ZNF629: variants seen among roughly 807,000 people sequenced by gnomAD.
The protein encoded by ZNF629 is zinc finger protein 629, also known as DNA-binding protein.
ZNF629 carries 9 observed loss-of-function variants against 59.7 expected under a neutral mutation model. The observed-to-expected ratio is 0.15, with a 90% CI of 0.09 to 0.26. ZNF629 has a LOEUF of 0.26. ZNF629 is among the 10% of genes least tolerant of loss of function. ZNF629 has a pLI of 1.00. For missense variants in ZNF629, 853 were observed against 1,165.4 expected (o/e 0.73, Z 3.90); for synonymous variants, 509 against 498.9 (o/e 1.02, Z -0.27).
chr16:30,781,867 G>C lies in ZNF629; in HGVS notation c.2461C>G (p.Pro821Ala), dbSNP rs1265400636. 3.8e-6 allele frequency: 6 copies of C among 1,577,290 alleles called. No individual in the cohort carries two copies. The highest frequency in any genetic ancestry group is 5.2e-6 in the Non-Finnish European group (6 of 1,159,136). ...TCCCCATGGCTGCTGCTCTCTGTGG[G>C]GGTAGGGGTCTCGCCCTCACCTTCC... is the stretch of plus-strand genomic sequence containing the variant. ...DQEGEGETPT[P>A]TESSSHGEGQ... The change falls in exon 3 of 3, where the codon CCC (proline) becomes GCC (alanine). Residue 821 changes from proline (P) to alanine (A), a missense_variant. Physicochemically the swap from Pro to Ala is conservative, Grantham distance 27. Around this residue, in one of 3 missense-constraint regions of ZNF629, gnomAD observed 420 missense variants for 435.6 expected, o/e 0.96. Coordinates refer to ENST00000262525, the MANE Select transcript of ZNF629 (RefSeq NM_001080417.3).
Position 30,782,705 on chromosome 16 carries a change from G to A in ZNF629, c.1623C>T (p.Thr541=), listed in dbSNP as rs1482456883. 4.3e-6 allele frequency: 7 copies of A among 1,611,990 alleles called. 1 individual carries two copies. The South Asian group carries it at 7.7e-5, about 18-fold the overall frequency. ...TGTCGCCCTGGGCCCTACGCGCTGG[G>A]GTCTTCCCCCTCTCATGGATCACCC... ...QHRVIHERGK[T]PARRAQGDSL... The change falls in exon 3 of 3, where the codon ACC becomes ACT. Residue 541 remains threonine, a synonymous_variant. Transcript: ENST00000262525.
chr16:30,782,777 G>T lies in ZNF629; in HGVS notation c.1551C>A (p.Ser517=). ...CTTCCAGGAAGGCCTTCCCGCAGTC[G>T]GAGCACACGAACAGGTTCTCGTCCA... ...THMDENLFVC[S]DCGKAFLEAH... The change falls in exon 3 of 3, where the codon TCC becomes TCA. Residue 517 remains serine, a synonymous_variant. Coordinates refer to ENST00000262525, the MANE Select transcript of ZNF629 (RefSeq NM_001080417.3). The T allele has an allele frequency of 6.2e-7, 1 of 1,613,890 alleles. No homozygotes were observed. Among genetic ancestry groups the T allele is most frequent in the Non-Finnish European group, 8.5e-7 (1 of 1,179,906 alleles).
chr16:30,783,037 T>C lies in ZNF629; in HGVS notation c.1291A>G (p.Ile431Val), dbSNP rs1445661299. 1.9e-6 allele frequency: 3 copies of C among 1,612,826 alleles called. No homozygotes were observed. In the African/African-American group the frequency reaches 4.0e-5, roughly 22 times the overall value. Residue 431 changes from isoleucine (I) to valine (V), a missense_variant, in exon 3 of 3, where the codon ATC becomes GTC. Around this residue, in one of 3 missense-constraint regions of ZNF629, gnomAD observed 201 missense variants for 536.5 expected, o/e 0.37. Transcript: ENST00000262525. ...AAGCTCTTGCCGCAGTCGGCGCAGA[T>C]GTAGGGCCGCTCGCCGCGGTGGATG... The part of the protein sequence containing the change: ...QRIHRGERPY[I>V]CADCGKSFIM...
In ZNF629 at chr16:30,781,801, G is replaced by C; in HGVS notation, c.2527C>G (p.Leu843Val). ...PKTLVEEKPY[L>V]CPECGAGFTE... ...AAGCCGGCTCCACACTCGGGGCACA[G>C]ATAGGGCTTTTCTTCCACTAGGGTT... Residue 843 changes from leucine (L) to valine (V), a missense_variant, in exon 3 of 3, where the codon CTG (leucine) becomes GTG (valine). By Grantham distance (32) the Leu-to-Val change is conservative. Transcript: ENST00000262525. The C allele has an allele frequency of 6.2e-7, 1 of 1,610,908 alleles. No homozygotes were observed. Among genetic ancestry groups the C allele is most frequent in the Non-Finnish European group, 8.5e-7 (1 of 1,178,206 alleles).
In ZNF629 at chr16:30,781,536, CCAA is replaced by C; in HGVS notation, c.*179_*181del. 2.0e-6 allele frequency: 1 copy of C among 512,744 alleles called. No homozygotes were observed. Among genetic ancestry groups the C allele is most frequent in the Non-Finnish European group, 3.2e-6 (1 of 316,570 alleles). The allele number at this position is 512,744 out of a possible 1,614,324, so 31.8% of individuals were successfully genotyped here. ...TCTACTGCCTTATAAGTGCTTCCCA[CCAA>C]CAATTTTATAGGGTTTCTCATCACT... On this transcript the variant is annotated 3_prime_UTR_variant, in exon 3 of 3. Coordinates refer to ENST00000262525, the MANE Select transcript of ZNF629 (RefSeq NM_001080417.3).
rs2054334211 is a variant in ZNF629, at chr16:30,786,604, CG to C, written c.-34+423del. ...CCCTGACATGGAGGCGGCGGGAATG[CG>C]GCCGCCCGGCCCGGCCCCCCCACCG... On this transcript the variant is annotated intron_variant, in intron 1 of 2. Transcript: ENST00000262525. The surrounding 1 kb of genome is among the most constrained non-coding windows in gnomAD (Gnocchi z 4.8). Among the ~76,000 whole-genome samples, 1 of 152,096 alleles carries C rather than the reference CG, an allele frequency of 6.6e-6. No homozygotes were observed. The highest frequency in any genetic ancestry group is 2.1e-4 in the South Asian group (1 of 4,830).
Position 30,784,252 on chromosome 16 carries a change from C to T in ZNF629, c.76G>A (p.Ala26Thr), listed in dbSNP as rs1191845068. The T allele has an allele frequency of 3.8e-6, 6 of 1,597,114 alleles. No homozygotes were observed. The highest frequency in any genetic ancestry group is 2.2e-5 in the East Asian group (1 of 44,610). Residue 26 changes from alanine to threonine, a missense_variant and splice_region_variant, in exon 3 of 3, where the codon GCC (alanine) becomes ACC (threonine). Ala to Thr is a moderately conservative substitution (Grantham distance 58). Transcript: ENST00000262525. ...EQSPNDAHRG[A>T]ESENEEESPR... ...CTCTCCTCTTCGTTTTCACTCTCGGCACCTACAGAAAGAAAGGGAGTCTAC... is the reference window on the plus strand; with the variant it reads ...CTCTCCTCTTCGTTTTCACTCTCGGTACCTACAGAAAGAAAGGGAGTCTAC...
chr16:30,778,907 A>G lies in ZNF629; in HGVS notation c.*2811T>C, dbSNP rs2054257607. Reference sequence around the variant, plus strand: ...TTCCAGACTCAGTTGTGGTGAGCAAATGCTTTGACCCCTGGGCCTTCATCT... The same window carrying G: ...TTCCAGACTCAGTTGTGGTGAGCAAGTGCTTTGACCCCTGGGCCTTCATCT... On this transcript the variant is annotated 3_prime_UTR_variant, in exon 3 of 3. Coordinates refer to ENST00000262525, the MANE Select transcript of ZNF629 (RefSeq NM_001080417.3). The G allele has an allele frequency of 1.3e-5, 2 of 152,326 alleles. No individual in the cohort carries two copies. The highest frequency in any genetic ancestry group is 2.9e-5 in the Non-Finnish European group (2 of 68,166). 9.4% of individuals were successfully genotyped at this position (152,326 alleles called of 1,614,324 possible). A position where few individuals can be genotyped will look rare whatever the true frequency, so the allele number is the denominator to read the frequency against.
Position 30,782,760 on chromosome 16 carries a change from A to G in ZNF629, c.1568T>C (p.Phe523Ser). The stretch of plus-strand genomic sequence containing the variant: ...CTGCTCCAGCTCGTGGGCTTCCAGG[A>G]AGGCCTTCCCGCAGTCGGAGCACAC... ...LFVCSDCGKA[F>S]LEAHELEQHR... The change falls in exon 3 of 3, where the codon TTC becomes TCC. Residue 523 changes from phenylalanine (F) to serine (S), a missense_variant. Physicochemically the swap from Phe to Ser is radical, Grantham distance 155 (BLOSUM62 -2). Coordinates refer to ENST00000262525, the MANE Select transcript of ZNF629 (RefSeq NM_001080417.3). 6.2e-7 allele frequency: 1 copy of G among 1,613,736 alleles called. No homozygotes were observed. The highest frequency in any genetic ancestry group is 8.5e-7 in the Non-Finnish European group (1 of 1,179,884).
Position 30,783,925 on chromosome 16 carries a change from G to T in ZNF629, c.403C>A (p.Leu135Met). The change falls in exon 3 of 3, where the codon CTG (leucine) becomes ATG (methionine). Residue 135 changes from leucine (L) to methionine (M), a missense_variant. Physicochemically the swap from Leu to Met is conservative, Grantham distance 15 (BLOSUM62 2). Coordinates refer to ENST00000262525, the MANE Select transcript of ZNF629 (RefSeq NM_001080417.3). Reference protein sequence around the residue: ...PPVVPANEPSLRELVQGRPAG... With the variant: ...PPVVPANEPSMRELVQGRPAG... ...GGGCGGCCCTGCACCAGCTCCCGCAGGCTGGGCTCGTTGGCGGGGACGACT... is the reference window on the plus strand; with the variant it reads ...GGGCGGCCCTGCACCAGCTCCCGCATGCTGGGCTCGTTGGCGGGGACGACT... The T allele has an allele frequency of 6.3e-7, 1 of 1,594,646 alleles. No homozygotes were observed. The highest frequency in any genetic ancestry group is 1.3e-5 in the African/African-American group (1 of 74,720).
Position 30,783,907 on chromosome 16 carries a change from C to G in ZNF629, c.421G>C (p.Gly141Arg), listed in dbSNP as rs753274620. Residue 141 changes from glycine (G) to arginine (R), a missense_variant, in exon 3 of 3, where the codon GGC becomes CGC. By Grantham distance (125) the Gly-to-Arg change is moderately radical. Around this residue, in one of 3 missense-constraint regions of ZNF629, gnomAD observed 232 missense variants for 193.4 expected, o/e 1.20. Transcript: ENST00000262525. ...NEPSLRELVQ[G>R]RPAGAEKPYI... ...GGCTTCTCCGCCCCCGCCGGGCGGC[C>G]CTGCACCAGCTCCCGCAGGCTGGGC... 6.3e-7 allele frequency: 1 copy of G among 1,596,378 alleles called. No individual in the cohort carries two copies. The highest frequency in any genetic ancestry group is 8.5e-7 in the Non-Finnish European group (1 of 1,170,466).
Position 30,781,987 on chromosome 16 carries a change from C to T in ZNF629, c.2341G>A (p.Val781Met). The T allele has an allele frequency of 1.3e-6, 2 of 1,562,534 alleles. No individual in the cohort carries two copies. Among genetic ancestry groups the T allele is most frequent in the Non-Finnish European group, 1.7e-6 (2 of 1,154,930 alleles). The change falls in exon 3 of 3, where the codon GTG (valine) becomes ATG (methionine). Residue 781 changes from valine to methionine, a missense_variant. Coordinates refer to ENST00000262525, the MANE Select transcript of ZNF629 (RefSeq NM_001080417.3). ...SDCRASFLDR[V>M]ALTRHQETHT... ...GTTTCTTGGTGCCGGGTGAGGGCCACGCGGTCGAGGAAGGAGGCCCTGCAA... is the reference window on the plus strand; with the variant it reads ...GTTTCTTGGTGCCGGGTGAGGGCCATGCGGTCGAGGAAGGAGGCCCTGCAA...
In ZNF629 at chr16:30,787,108, C is replaced by A. The variant is rs1021489737; in HGVS notation, c.-114G>T. 3 of 152,940 alleles carry A rather than the reference C, an allele frequency of 2.0e-5. No individual in the cohort carries two copies. The highest frequency in any genetic ancestry group is 7.2e-5 in the African/African-American group (3 of 41,470). 9.5% of individuals were successfully genotyped at this position (152,940 alleles called of 1,614,324 possible). On this transcript the variant is annotated 5_prime_UTR_variant, in exon 1 of 3. Coordinates refer to ENST00000262525, the MANE Select transcript of ZNF629 (RefSeq NM_001080417.3). ...CCCTTCAGTGCCCTGCCTCGGGGGACGGACTGGGCGCCGAGGACTCTGGGG... is the reference window on the plus strand; with the variant it reads ...CCCTTCAGTGCCCTGCCTCGGGGGAAGGACTGGGCGCCGAGGACTCTGGGG...
chr16:30,784,360 G>T, intron 2 of ZNF629, 50 bp downstream of exon 2: 1 of 1,545,502 alleles, frequency 6.5e-7, no homozygotes, highest in African/African-American at 1.4e-5. Flanking sequence ...CCCTCCCTGA[G>T]CCGGGACCAC....
rs1178557371 is a variant in ZNF629, at chr16:30,781,026, T to C, written c.*692A>G. Reference sequence around the variant, plus strand: ...AGGCCTCTTTCCCTAAAACACACAATGCATCTAACATTGTCCTCAAACCCC... The same window carrying C: ...AGGCCTCTTTCCCTAAAACACACAACGCATCTAACATTGTCCTCAAACCCC... On this transcript the variant is annotated 3_prime_UTR_variant, in exon 3 of 3. Transcript: ENST00000262525. 7 of 152,210 alleles carry C rather than the reference T, an allele frequency of 4.6e-5. No individual in the cohort carries two copies. Among genetic ancestry groups the C allele is most frequent in the Admixed American group, 2.6e-4 (4 of 15,286 alleles). 9.4% of individuals were successfully genotyped at this position (152,210 alleles called of 1,614,324 possible).
In ZNF629 at chr16:30,778,774, C is replaced by T. The variant is rs1168885492; in HGVS notation, c.*2944G>A. The T allele has an allele frequency of 6.6e-6, 1 of 152,522 alleles. No individual in the cohort carries two copies. The highest frequency in any genetic ancestry group is 1.5e-5 in the Non-Finnish European group (1 of 68,360). The allele number at this position is 152,522 out of a possible 1,614,324, so 9.4% of individuals were successfully genotyped here. On this transcript the variant is annotated 3_prime_UTR_variant, in exon 3 of 3. Transcript: ENST00000262525. ...CTCTAAGCTCTCCCCTCTGCTTTCCCCACTGACTCCCTGACCCTATCTGTT... is the reference window on the plus strand; with the variant it reads ...CTCTAAGCTCTCCCCTCTGCTTTCCTCACTGACTCCCTGACCCTATCTGTT...
Position 30,783,458 on chromosome 16 carries a change from G to A in ZNF629, c.870C>T (p.Tyr290=). The A allele has an allele frequency of 6.2e-7, 1 of 1,614,154 alleles. No individual in the cohort carries two copies. The highest frequency in any genetic ancestry group is 8.5e-7 in the Non-Finnish European group (1 of 1,179,994). Residue 290 remains tyrosine (Y), a synonymous_variant, in exon 3 of 3, where the codon TAC becomes TAT. Transcript: ENST00000262525. ...AGCGCTTCCCGCACTCGGGGCACTT[G>A]TAGGGTTTCTCGCCTGTGTGGGTGG... ...HQATHTGEKP[Y]KCPECGKRFG...
rs1461134213 is a variant in ZNF629, at chr16:30,786,639, C to T, written c.-34+389G>A. 1.3e-5 allele frequency among the ~76,000 whole-genome samples: 2 copies of T among 151,142 alleles called. No individual in the cohort carries two copies. The highest frequency in any genetic ancestry group is 6.6e-5 in the Admixed American group (1 of 15,236). The stretch of plus-strand genomic sequence containing the variant: ...GCCCGGCCCCCCCACCGCTTGGCTC[C>T]GGACTTCTGCTCCCCCGGAGCCGCG... On this transcript the variant is annotated intron_variant, in intron 1 of 2. Coordinates refer to ENST00000262525, the MANE Select transcript of ZNF629 (RefSeq NM_001080417.3). The surrounding 1 kb of genome is among the most constrained non-coding windows in gnomAD (Gnocchi z 4.8).
Position 30,783,998 on chromosome 16 carries a change from G to A in ZNF629, c.330C>T (p.Cys110=). ...VPTPSDWTKA[C]EASWQWGALT... ...GAGCGCCCCACTGCCAGCTGGCCTCGCAGGCCTTGGTCCAGTCAGATGGGG... is the reference window on the plus strand; with the variant it reads ...GAGCGCCCCACTGCCAGCTGGCCTCACAGGCCTTGGTCCAGTCAGATGGGG... Residue 110 remains cysteine (C), a synonymous_variant, in exon 3 of 3, where the codon TGC becomes TGT. Transcript: ENST00000262525. 5 of 1,572,288 alleles carry A rather than the reference G, an allele frequency of 3.2e-6. No individual in the cohort carries two copies. The highest frequency in any genetic ancestry group is 1.7e-6 in the Non-Finnish European group (2 of 1,159,934).
Sources: allele counts gnomAD v4.1 joint callset (sites outside exome capture counted in the v4.1 genomes callset), GRCh38; gene constraint gnomAD v4.1.1; regional missense constraint gnomAD v4.1.1; non-coding constraint Gnocchi (gnomAD v3.1); transcripts MANE v1.5; gene names NCBI Gene and HGNC (gene_info 2026-07-23, HGNC 2026-07-21).